The following DNAH14 variants were observed in gnomAD, a reference collection of about 807,000 sequenced individuals.
The protein encoded by DNAH14 is dynein axonemal heavy chain 14.
A neutral mutation model predicts 520.9 loss-of-function variants in DNAH14; 478 were observed. That is an observed-to-expected ratio of 0.92 (90% CI 0.85 to 0.99). The LOEUF (loss-of-function observed/expected upper bound fraction) is 0.99, where lower values mean the gene tolerates loss of function less well. Among genes scored for constraint, DNAH14 ranks in the 50% least tolerant of loss-of-function variants. DNAH14 has a pLI of 0.00. For missense variants in DNAH14, 4,831 were observed against 5,234.5 expected (o/e 0.92, Z 2.38); for synonymous variants, 1,581 against 1,757.2 (o/e 0.90, Z 2.51).
intron 41 of DNAH14, among the ~76,000 whole-genome samples, chr1:225,212,353 C>T (rs2088574360): frequency 6.6e-6 from 1 of 152,038 alleles, no homozygotes; most frequent in Admixed American, 6.6e-5. Context: ...GTGAATAGTG[C>T]CGCAATAAAC....
At chr1:225,057,709 A>G (rs2069331373) in intron 17 of DNAH14, among the ~76,000 whole-genome samples, 1 of 152,164 alleles carries the variant, frequency 6.6e-6, no homozygotes, top group Admixed American at 6.5e-5. Flanking sequence ...TCCCATCAAT[A>G]CCTAATTTAT....
intron 66 of DNAH14, among the ~76,000 whole-genome samples, chr1:225,336,159 T>C (rs2150353354): frequency 6.7e-6 from 1 of 149,378 alleles, no homozygotes; most frequent in Middle Eastern, 4.2e-3. Context: ...AGCAACCTCA[T>C]ATATATATAT....
chr1:225,046,115 A>ATATGTATATAAATATACATAGG (rs1242599241), intron 15 of DNAH14, among the ~76,000 whole-genome samples: 1 of 151,398 alleles, frequency 6.6e-6, no homozygotes, highest in African/African-American at 2.4e-5. Flanking sequence ...TAATATGTAT[A>ATATGTATATAAATATACATAGG]TATGTATATA....
chr1:225,241,697 T>C (rs1251897906), intron 43 of DNAH14, among the ~76,000 whole-genome samples: 1 of 152,192 alleles, frequency 6.6e-6, no homozygotes, highest in Non-Finnish European at 1.5e-5. Flanking sequence ...AACAAACTAG[T>C]ATTTGTGCAT....
rs572673419 is a variant in DNAH14, at chr1:225,294,879, TTTG to T, written c.8469+4812_8469+4814del. On this transcript the variant is annotated intron_variant, in intron 55 of 85. Coordinates refer to ENST00000682510, the MANE Select transcript of DNAH14 (RefSeq NM_001367479.1). ...AGTGAGGCCATCCAGTAGTGGATTT[TTTG>T]TTGTTGTTGTTGTTTGTTTGTTTGT... Among the ~76,000 whole-genome samples the T allele has an allele frequency of 2.5e-4, 38 of 152,132 alleles. No individual in the cohort carries two copies. The South Asian group carries it at 6.4e-3, about 26-fold the overall frequency.
At position 225,159,204 on chromosome 1, in the gene DNAH14, G is replaced by A. The variant is rs1030287881; in HGVS notation, c.5274-110G>A. On this transcript the variant is annotated intron_variant, in intron 34 of 85. Coordinates refer to ENST00000682510, the MANE Select transcript of DNAH14 (RefSeq NM_001367479.1). Reference sequence around the variant, plus strand: ...GCTGCTATCCAGTGAGAGAGAGGAGGGAAGGACATTGGGATAGCCACCCCT... The same window carrying A: ...GCTGCTATCCAGTGAGAGAGAGGAGAGAAGGACATTGGGATAGCCACCCCT... 9 of 807,460 alleles carry A rather than the reference G, an allele frequency of 1.1e-5. No homozygotes were observed. In the African/African-American group the frequency reaches 1.2e-4, roughly 11 times the overall value. 50.0% of individuals were successfully genotyped at this position (807,460 alleles called of 1,614,324 possible).
At chr1:225,246,150 T>C (rs1009861258) in intron 43 of DNAH14, among the ~76,000 whole-genome samples, 9 of 142,694 alleles carry the variant, frequency 6.3e-5, no homozygotes, top group African/African-American at 2.3e-4. Context: ...ATTTAATAAA[T>C]GGTGTTGGGA....
intron 11 of DNAH14, among the ~76,000 whole-genome samples, chr1:225,028,507 G>A (rs192805797): frequency 6.6e-6 from 1 of 151,578 alleles, no homozygotes; most frequent in African/African-American, 2.4e-5. Context: ...AGTAATTTGA[G>A]GCTTTTCTCT....
intron 1 of DNAH14, among the ~76,000 whole-genome samples, chr1:224,948,039 A>G (rs758055412): frequency 4.6e-5 from 7 of 152,076 alleles, no homozygotes; most frequent in South Asian, 4.1e-4. Context: ...TGTTAAATCA[A>G]ACTTTTAAAT....
chr1:225,058,830 G>A (rs2069550019), intron 17 of DNAH14, among the ~76,000 whole-genome samples: 1 of 152,148 alleles, frequency 6.6e-6, no homozygotes, highest in Admixed American at 6.5e-5. Context: ...TTTCCATGTG[G>A]TTGAGCGGTT....
At chr1:225,094,682 CA>C (rs1558937369) in intron 21 of DNAH14, among the ~76,000 whole-genome samples, 1 of 66,434 alleles carries the variant, frequency 1.5e-5, no homozygotes, top group African/African-American at 1.6e-4. Context: ...AAAAAAACAA[CA>C]AAACAAACAA....
At chr1:225,178,180 G>A (rs1366633977) in intron 36 of DNAH14, among the ~76,000 whole-genome samples, 1 of 152,074 alleles carries the variant, frequency 6.6e-6, no homozygotes, top group African/African-American at 2.4e-5. Flanking sequence ...CCTTTGTTTT[G>A]GCCAATGTCT....
rs878987632 is a variant in DNAH14, at chr1:225,335,467, A to ATG, written c.10081-1791_10081-1790dup. Among the ~76,000 whole-genome samples, 45 of 93,716 alleles carry ATG rather than the reference A, an allele frequency of 4.8e-4. 9 individuals carry two copies. Among genetic ancestry groups the ATG allele is most frequent in the African/African-American group, 2.0e-3 (36 of 17,926 alleles). 61.5% of individuals were successfully genotyped at this position (93,716 alleles called of 152,430 possible). A position where few individuals can be genotyped will look rare whatever the true frequency, so the allele number is the denominator to read the frequency against. On this transcript the variant is annotated intron_variant, in intron 66 of 85. Coordinates refer to ENST00000682510, the MANE Select transcript of DNAH14 (RefSeq NM_001367479.1). Reference sequence around the variant, plus strand: ...TGTATGCACATATGCACGTGTGTACATGTGTGTGTATGCACATATACACGT... The same window carrying ATG: ...TGTATGCACATATGCACGTGTGTACATGTGTGTGTGTATGCACATATACACGT...
chr1:224,988,261 G>A (rs751605855), intron 8 of DNAH14, among the ~76,000 whole-genome samples: 5 of 152,048 alleles, frequency 3.3e-5, no homozygotes, highest in Non-Finnish European at 7.4e-5. Flanking sequence ...ATAGTATTCC[G>A]TGGTGTATAT....
chr1:225,057,165 C>A (rs1256859084), intron 17 of DNAH14, among the ~76,000 whole-genome samples: 1 of 152,238 alleles, frequency 6.6e-6, no homozygotes, highest in Non-Finnish European at 1.5e-5. Context: ...TACCCATGAG[C>A]ATGGAATGTT....
Position 225,346,313 on chromosome 1 carries a change from ATG to A in DNAH14, c.11031_11032del (p.Asn3677LysfsTer7). The A allele has an allele frequency of 6.5e-7, 1 of 1,541,890 alleles. No individual in the cohort carries two copies. Among genetic ancestry groups the A allele is most frequent in the South Asian group, 1.2e-5 (1 of 82,306 alleles). On this transcript the variant is annotated frameshift_variant, in exon 70 of 86. Transcript: ENST00000682510. LOFTEE classifies it high-confidence loss of function. ...ATTTCAAAAGAACCCAACCTGGAAA[ATG>A]AGAAAAATCTCTTAGATAAGCATAT...
intron 27 of DNAH14, among the ~76,000 whole-genome samples, chr1:225,125,449 C>T (rs2077641318): frequency 6.6e-6 from 1 of 152,192 alleles, no homozygotes; most frequent in Non-Finnish European, 1.5e-5. Context: ...TCCACATCAG[C>T]ACTTGCTACT....
rs2085646672 is a variant in DNAH14 at position 225,193,013 on chromosome 1, T to G, written c.5886+102T>G. The G allele has an allele frequency of 1.4e-5, 12 of 878,974 alleles. No homozygotes were observed. The South Asian group carries it at 2.9e-4, about 21-fold the overall frequency. 54.4% of individuals were successfully genotyped at this position (878,974 alleles called of 1,614,324 possible). A position where few individuals can be genotyped will look rare whatever the true frequency, so the allele number is the denominator to read the frequency against. The stretch of plus-strand genomic sequence containing the variant: ...AAACATCATTAGACATCTATTAGTG[T>G]AAAAGTAAATTTTAAAATCTTATGA... On this transcript the variant is annotated intron_variant, in intron 38 of 85. Transcript: ENST00000682510.
chr1:225,150,613 G>A (rs2080408198), intron 31 of DNAH14, among the ~76,000 whole-genome samples: 1 of 152,060 alleles, frequency 6.6e-6, no homozygotes, highest in African/African-American at 2.4e-5. Context: ...ACTTCTTTCT[G>A]GTTCAGCCTT....
Sources: gnomAD v4.1 joint callset for allele counts (sites outside exome capture counted in the v4.1 genomes callset) on GRCh38, gnomAD v4.1.1 for gene constraint, MANE v1.5 for transcripts, NCBI Gene and HGNC (gene_info 2026-07-23, HGNC 2026-07-21) for gene names.